Variants in CREBBP observed in about 807,000 individuals in gnomAD.
The protein encoded by CREBBP is CREB binding lysine acetyltransferase, also known as CREB-binding protein.
In CREBBP, 19 loss-of-function variants were observed where a neutral mutation model predicts 265.0. That is an observed-to-expected ratio of 0.07 (90% CI 0.05 to 0.11). The LOEUF is 0.11. CREBBP is among the 10% of genes least tolerant of loss of function. The pLI is 1.00. For synonymous variants in CREBBP, 1,457 were observed against 1,223.7 expected, an observed-to-expected ratio of 1.19 and a Z score of -3.98; for missense variants, 2,525 against 3,219.0, an observed-to-expected ratio of 0.78 and a Z score of 5.22.
chr16:3,740,254 C>G, intron 24 of CREBBP, 145 bp downstream of exon 24: 1 of 897,632 alleles, frequency 1.1e-6, no homozygotes, highest in Non-Finnish European at 1.8e-6. Context: ...ACAGGACAAC[C>G]GCAGCTGAGG....
intron 16 of CREBBP, among the ~76,000 whole-genome samples, chr16:3,761,714 T>A (rs2052722671): frequency 1.3e-5 from 2 of 152,150 alleles, no homozygotes; most frequent in African/African-American, 4.8e-5. Flanking sequence ...CACTTGAAGG[T>A]GCAAAGGCCT....
chr16:3,864,911 A>G (rs2055146748), intron 1 of CREBBP, among the ~76,000 whole-genome samples: 1 of 152,202 alleles, frequency 6.6e-6, no homozygotes, highest in Non-Finnish European at 1.5e-5. Context: ...TACTAAAAAT[A>G]CAAAAATTAG....
At chr16:3,793,303 A>C (rs573540604) in intron 4 of CREBBP, 83 bp downstream of exon 4, 1 of 1,592,828 alleles carries the variant, frequency 6.3e-7, no homozygotes, top group African/African-American at 1.3e-5. Flanking sequence ...CCGGAGCCTT[A>C]TGAACCAGAG....
chr16:3,835,116 G>A (rs975906120), intron 2 of CREBBP, among the ~76,000 whole-genome samples: 86 of 152,202 alleles, frequency 5.7e-4, no homozygotes, highest in African/African-American at 2.0e-3. Context: ...CCGAGACCAC[G>A]CCACTGCACT....
chr16:3,758,271 C>T (rs926098191), intron 17 of CREBBP, among the ~76,000 whole-genome samples: 2 of 152,114 alleles, frequency 1.3e-5, no homozygotes, highest in Non-Finnish European at 2.9e-5. Flanking sequence ...CATTATAATA[C>T]TCCAAAGGCA....
chr16:3,727,797 C>T lies in CREBBP; in HGVS notation c.7250G>A (p.Arg2417Lys), dbSNP rs2151298292. 5 of 1,614,222 alleles carry T rather than the reference C, an allele frequency of 3.1e-6. No homozygotes were observed. Among genetic ancestry groups the T allele is most frequent in the Non-Finnish European group, 4.2e-6 (5 of 1,180,056 alleles). ...AMLPQLNTPSRSALSSELSLV... is the reference protein window; with the variant it reads ...AMLPQLNTPSKSALSSELSLV... ...GGACAGTTCGCTGGACAGCGCACTC[C>T]TGCTGGGGGTGTTCAGCTGGGGGAG... The change falls in exon 31 of 31, where the codon AGG becomes AAG. Residue 2417 changes from arginine to lysine, a missense_variant. Transcript: ENST00000262367.
rs1199023266 is a variant in CREBBP at position 3,736,595 on chromosome 16, A to C, written c.4560+55T>G. On this transcript the variant is annotated intron_variant, in intron 27 of 30. Coordinates refer to ENST00000262367, the MANE Select transcript of CREBBP (RefSeq NM_004380.3). ...TGCGAATGCAAGAAAAAGGCACACA[A>C]ATATCCTCCCCTCAGTTGTGACAAA... 15 of 1,611,506 alleles carry C rather than the reference A, an allele frequency of 9.3e-6. No homozygotes were observed. The highest frequency in any genetic ancestry group is 1.3e-5 in the Non-Finnish European group (15 of 1,177,802).
intron 2 of CREBBP, among the ~76,000 whole-genome samples, chr16:3,830,900 G>A (rs2054330301): frequency 6.6e-6 from 1 of 152,062 alleles, no homozygotes; most frequent in South Asian, 2.1e-4. Context: ...TTGTATCTCA[G>A]CCCCCTCAAG....
chr16:3,854,937 C>T lies in CREBBP; in HGVS notation c.86-3928G>A, dbSNP rs374751825. Among the ~76,000 whole-genome samples, 9 of 152,304 alleles carry T rather than the reference C, an allele frequency of 5.9e-5. No individual in the cohort carries two copies. In the South Asian group the frequency reaches 1.2e-3, roughly 21 times the overall value. ...ACCGAGACTGAGAGTAAGTTGCAGA[C>T]GAAATAACACTGTTCTCCTAAGTAC... On this transcript the variant is annotated intron_variant, in intron 1 of 30. Coordinates refer to ENST00000262367, the MANE Select transcript of CREBBP (RefSeq NM_004380.3).
intron 1 of CREBBP, among the ~76,000 whole-genome samples, chr16:3,878,992 T>C (rs1458956985): frequency 2.7e-5 from 4 of 150,326 alleles, no homozygotes; most frequent in Non-Finnish European, 5.9e-5. Flanking sequence ...TTCAGTATCC[T>C]GCTCCATTTT....
In CREBBP at chr16:3,731,010, G is replaced by C. The variant is rs2051899516; in HGVS notation, c.5172+182C>G. Among the ~76,000 whole-genome samples, 1 of 152,246 alleles carries C rather than the reference G, an allele frequency of 6.6e-6. No homozygotes were observed. Among genetic ancestry groups the C allele is most frequent in the Admixed American group, 6.5e-5 (1 of 15,286 alleles). On this transcript the variant is annotated intron_variant, in intron 30 of 30. Coordinates refer to ENST00000262367, the MANE Select transcript of CREBBP (RefSeq NM_004380.3). This position sits in a 1 kb window ranked among gnomAD's most constrained non-coding sequence, Gnocchi z 7.7. ...TCAGGCCTGTGGCTGTGGCTACACA[G>C]AGCAGGTTTAGGAAACACACACACA...
At chr16:3,860,168 T>G (rs2055044888) in intron 1 of CREBBP, among the ~76,000 whole-genome samples, 1 of 152,192 alleles carries the variant, frequency 6.6e-6, no homozygotes, top group African/African-American at 2.4e-5. Context: ...AGAGGTGTTC[T>G]GTGTCGACTG....
At chr16:3,801,291 C>A (rs151290996) in intron 3 of CREBBP, among the ~76,000 whole-genome samples, 1 of 152,296 alleles carries the variant, frequency 6.6e-6, no homozygotes, top group South Asian at 2.1e-4. Context: ...CAAATAAATG[C>A]CTATGTCTCT....
At chr16:3,845,678 G>A (rs1297144604) in intron 2 of CREBBP, among the ~76,000 whole-genome samples, 2 of 152,016 alleles carry the variant, frequency 1.3e-5, no homozygotes, top group Non-Finnish European at 2.9e-5. Context: ...TTGAGCTCAG[G>A]AGTTCAGGAC....
intron 5 of CREBBP, among the ~76,000 whole-genome samples, chr16:3,787,070 C>CAAAAAAAAAAAAA (rs757962926): frequency 0.02 from 1,717 of 86,416 alleles, 53 homozygotes; most frequent in African/African-American, 0.067. Flanking sequence ...GACTTCGTCT[C>CAAAAAAAAAAAAA]AAAAAAAAAA....
Position 3,727,746 on chromosome 16 carries a change from G to C in CREBBP, c.7301C>G (p.Thr2434Arg), listed in dbSNP as rs367899910. Reference sequence around the variant, plus strand: ...CAAGCCCTCCACAAACTTCTCTAGCGTGTCCCCCGTGGTGTCCCCGACCAG... The same window carrying C: ...CAAGCCCTCCACAAACTTCTCTAGCCTGTCCCCCGTGGTGTCCCCGACCAG... ...LSLVGDTTGDTLEKFVEGL is the reference protein window; with the variant it reads ...LSLVGDTTGDRLEKFVEGL The change falls in exon 31 of 31, where the codon ACG (threonine) becomes AGG (arginine). Residue 2434 changes from threonine to arginine, a missense_variant. This residue lies in a region of CREBBP where 473 missense variants were observed against 459.3 expected (regional missense o/e 1.03). Coordinates refer to ENST00000262367, the MANE Select transcript of CREBBP (RefSeq NM_004380.3). The C allele has an allele frequency of 6.2e-7, 1 of 1,614,082 alleles. No individual in the cohort carries two copies. The highest frequency in any genetic ancestry group is 1.3e-5 in the African/African-American group (1 of 75,030).
At chr16:3,761,848 C>G (rs1468763121) in intron 16 of CREBBP, among the ~76,000 whole-genome samples, 1 of 152,184 alleles carries the variant, frequency 6.6e-6, no homozygotes, top group Non-Finnish European at 1.5e-5. Context: ...CTTTGAATAA[C>G]TTTTTATGAG....
chr16:3,873,261 T>A (rs2055336461), intron 1 of CREBBP, among the ~76,000 whole-genome samples: 2 of 152,214 alleles, frequency 1.3e-5, no homozygotes, highest in Admixed American at 1.3e-4. Context: ...CTGATTTGAT[T>A]TAAAAGAAAA....
At chr16:3,849,435 G>GTGTGTGATGTGCGTGACCT (rs2054756872) in intron 2 of CREBBP, among the ~76,000 whole-genome samples, 2 of 15,726 alleles carry the variant, frequency 1.3e-4, no homozygotes, top group African/African-American at 2.4e-4. Flanking sequence ...GTGTGTGTGT[G>GTGTGTGATGTGCGTGACCT]TGTGTGTGTG....
Sources: allele counts gnomAD v4.1 joint callset (sites outside exome capture counted in the v4.1 genomes callset), GRCh38; gene constraint gnomAD v4.1.1; regional missense constraint gnomAD v4.1.1; non-coding constraint Gnocchi (gnomAD v3.1); transcripts MANE v1.5; gene names NCBI Gene and HGNC (gene_info 2026-07-23, HGNC 2026-07-21).